The following ASCC2 variants were observed in gnomAD, a reference collection of about 807,000 sequenced individuals.
The protein encoded by ASCC2 is ASC-1 complex subunit P100.
In ASCC2, 42 loss-of-function variants were observed where a neutral mutation model predicts 93.5. The observed-to-expected ratio is 0.45, with a 90% CI of 0.35 to 0.58. The LOEUF is 0.58. Ranked by LOEUF, ASCC2 falls within the 20% of genes least tolerant of loss-of-function variation. The pLI is 0.00. For missense variants in ASCC2, 859 were observed against 977.6 expected, an observed-to-expected ratio of 0.88 and a Z score of 1.62; for synonymous variants, 364 against 384.2, an observed-to-expected ratio of 0.95 and a Z score of 0.62.
chr22:29,827,948 GACACACAC>G (rs5844874), intron 2 of ASCC2, among the ~76,000 whole-genome samples: 1,176 of 74,388 alleles, frequency 0.016, 169 homozygotes, highest in African/African-American at 0.057. Flanking sequence ...TCATTCTTCT[GACACACAC>G]ACACACACAC....
At chr22:29,804,034 G>A (rs1467270471) in intron 13 of ASCC2, among the ~76,000 whole-genome samples, 1 of 152,248 alleles carries the variant, frequency 6.6e-6, no homozygotes, top group African/African-American at 2.4e-5. Context: ...CTGCCAAGTG[G>A]CAGAACCAGG....
chr22:29,804,339 G>A (rs2059428432), intron 13 of ASCC2, among the ~76,000 whole-genome samples: 1 of 152,172 alleles, frequency 6.6e-6, no homozygotes, highest in Non-Finnish European at 1.5e-5. Flanking sequence ...GGAGAGCTCC[G>A]GGAAGGGCTC....
intron 15 of ASCC2, 84 bp from the exon 16 acceptor site, chr22:29,793,760 C>G: frequency 2.4e-6 from 3 of 1,271,132 alleles, no homozygotes; most frequent in Non-Finnish European, 3.3e-6. Flanking sequence ...AGACCACAGG[C>G]TTAACTGCTC....
chr22:29,837,587 G>C (rs982650325), intron 1 of ASCC2, among the ~76,000 whole-genome samples: 1 of 152,202 alleles, frequency 6.6e-6, no homozygotes, highest in African/African-American at 2.4e-5. Flanking sequence ...CTCCCTACAA[G>C]CACCCAATTG....
intron 5 of ASCC2, chr22:29,821,853 G>T (rs5763520): frequency 5.7e-5 from 21 of 366,736 alleles, no homozygotes; most frequent in Middle Eastern, 6.3e-4. Context: ...TTTTTAATTC[G>T]CCAGGCATGG....
At chr22:29,812,881 T>C (rs2060432116) in intron 8 of ASCC2, among the ~76,000 whole-genome samples, 3 of 144,224 alleles carry the variant, frequency 2.1e-5, no homozygotes, top group South Asian at 4.3e-4. Context: ...TATTCTTGGT[T>C]GTGCGTTTTT....
At chr22:29,809,693 C>T (rs904534912) in intron 8 of ASCC2, among the ~76,000 whole-genome samples, 6 of 151,560 alleles carry the variant, frequency 4.0e-5, no homozygotes, top group Admixed American at 1.3e-4. Flanking sequence ...GAGGGAGAAT[C>T]GCTTGAATCT....
intron 15 of ASCC2, among the ~76,000 whole-genome samples, chr22:29,799,791 T>G (rs527421914): frequency 3.9e-5 from 6 of 152,190 alleles, no homozygotes; most frequent in Non-Finnish European, 5.9e-5. Context: ...GTGAACTCTC[T>G]TATTTTTTTT....
chr22:29,796,870 C>G (rs1418076997), intron 15 of ASCC2, among the ~76,000 whole-genome samples: 2 of 152,182 alleles, frequency 1.3e-5, no homozygotes, highest in Admixed American at 6.5e-5. Context: ...TCTGCTACAC[C>G]TTCGGCTTCT....
intron 13 of ASCC2, among the ~76,000 whole-genome samples, chr22:29,803,702 G>A (rs1217637618): frequency 3.3e-5 from 5 of 152,188 alleles, no homozygotes; most frequent in Non-Finnish European, 5.9e-5. Flanking sequence ...ACTTAATTGT[G>A]TTAGCCTTTT....
chr22:29,808,295 C>T (rs763997231), intron 8 of ASCC2, 110 bp from the exon 9 acceptor site: 2 of 1,127,338 alleles, frequency 1.8e-6, no homozygotes, highest in South Asian at 2.9e-5. Context: ...TTTTTCCACA[C>T]AATTTTCTCC....
intron 2 of ASCC2, among the ~76,000 whole-genome samples, chr22:29,828,381 A>C (rs2062720220): frequency 1.3e-5 from 2 of 152,178 alleles, no homozygotes; most frequent in African/African-American, 4.8e-5. Flanking sequence ...TTTTTAATCT[A>C]CAAAAACTAT....
chr22:29,821,225 C>A (rs1358666506), intron 5 of ASCC2, among the ~76,000 whole-genome samples: 3 of 152,164 alleles, frequency 2.0e-5, no homozygotes, highest in African/African-American at 7.2e-5. Flanking sequence ...TTGATCAAAC[C>A]TTCTCCCCTC....
At chr22:29,829,836 T>C (rs2062900903) in intron 2 of ASCC2, among the ~76,000 whole-genome samples, 1 of 152,114 alleles carries the variant, frequency 6.6e-6, no homozygotes, top group Admixed American at 6.5e-5. Context: ...AGACTATTTC[T>C]TTTGGGTCTT....
chr22:29,821,900 GAGTTGGGGGGAT>G (rs1419095284), intron 5 of ASCC2: 1 of 445,016 alleles, frequency 2.2e-6, no homozygotes, highest in Non-Finnish European at 4.5e-6. Context: ...CTGGGAGGCT[GAGTTGGGGGGAT>G]AGCTTTACTC....
chr22:29,832,375 G>A (rs1568962258), intron 1 of ASCC2, 33 bp from the exon 2 acceptor site: 2 of 1,521,818 alleles, frequency 1.3e-6, no homozygotes, highest in Non-Finnish European at 9.1e-7. Flanking sequence ...GAAGAGAGCA[G>A]ACACACAGAC....
chr22:29,824,677 C>T (rs937764563), intron 4 of ASCC2, among the ~76,000 whole-genome samples: 8 of 151,572 alleles, frequency 5.3e-5, no homozygotes, highest in South Asian at 2.1e-4. Context: ...GAGATTTTGT[C>T]GGTGACATTC....
In ASCC2 at chr22:29,825,180, C is replaced by A. The variant is rs2062140727; in HGVS notation, c.318G>T (p.Val106=). 1 of 1,562,430 alleles carries A rather than the reference C, an allele frequency of 6.4e-7. No individual in the cohort carries two copies. Residue 106 remains valine (V), a synonymous_variant, in exon 4 of 20, where the codon GTG becomes GTT. Coordinates refer to ENST00000307790, the MANE Select transcript of ASCC2 (RefSeq NM_032204.5). The surrounding 1 kb of genome is among the most constrained non-coding windows in gnomAD (Gnocchi z 4.9). ...RYVPRKFDEG[V]ASAPEVVDMQ... is the part of the protein sequence containing the mutation. Reference sequence around the variant, plus strand: ...TGTCAACAACCTCAGGGGCTGAGGCCACCCCCTCGTCGAATTTGCGGGGGA... The same window carrying A: ...TGTCAACAACCTCAGGGGCTGAGGCAACCCCCTCGTCGAATTTGCGGGGGA...
In ASCC2 at chr22:29,822,157, G is replaced by A. The variant is rs143598807; in HGVS notation, c.541+178C>T. ...AGTTTTATTTCCACCTCCCTAGGTA[G>A]TGTCACTACCTAGTCATTTTGAGGT... On this transcript the variant is annotated intron_variant, in intron 5 of 19. Transcript: ENST00000307790. 9.4e-6 allele frequency: 7 copies of A among 741,992 alleles called. No homozygotes were observed. The East Asian group carries it at 1.3e-4, about 14-fold the overall frequency. 46.0% of individuals were successfully genotyped at this position (741,992 alleles called of 1,614,324 possible).
Sources: allele counts gnomAD v4.1 joint callset (sites outside exome capture counted in the v4.1 genomes callset), GRCh38; gene constraint gnomAD v4.1.1; non-coding constraint Gnocchi (gnomAD v3.1); transcripts MANE v1.5; gene names NCBI Gene and HGNC (gene_info 2026-07-23, HGNC 2026-07-21).